The following HVCN1 variants were observed in gnomAD, a reference collection of about 807,000 sequenced individuals.
The protein encoded by HVCN1 is voltage-gated hydrogen channel 1.
HVCN1 carries 14 observed loss-of-function variants against 29.2 expected under a neutral mutation model. That is an observed-to-expected ratio of 0.48 (90% CI 0.32 to 0.75). HVCN1 has a LOEUF of 0.75. Ranked by LOEUF, HVCN1 falls within the 30% of genes least tolerant of loss-of-function variation. HVCN1 has a pLI of 0.04. For synonymous variants in HVCN1, 131 were observed against 133.2 expected (o/e 0.98, Z 0.11); for missense variants, 263 against 341.8 (o/e 0.77, Z 1.82).
rs1390902504 is a variant in HVCN1 at position 110,658,042 on chromosome 12, C to T, written c.307-2704G>A. 2.6e-5 allele frequency among the ~76,000 whole-genome samples: 4 copies of T among 152,078 alleles called. No individual in the cohort carries two copies. The highest frequency in any genetic ancestry group is 5.9e-5 in the Non-Finnish European group (4 of 68,028). On this transcript the variant is annotated intron_variant, in intron 4 of 7. Coordinates refer to ENST00000242607, the MANE Select transcript of HVCN1 (RefSeq NM_032369.4). The surrounding 1 kb of genome is among the most constrained non-coding windows in gnomAD (Gnocchi z 5.0). ...CATGACGTGAGTGAAGTATGAAGGGCGCTTAGCACACGGCTGGCCTGCGGT... is the reference window on the plus strand; with the variant it reads ...CATGACGTGAGTGAAGTATGAAGGGTGCTTAGCACACGGCTGGCCTGCGGT...
intron 3 of HVCN1, among the ~76,000 whole-genome samples, chr12:110,669,651 G>A (rs2068503279): frequency 6.6e-6 from 1 of 152,100 alleles, no homozygotes; most frequent in African/African-American, 2.4e-5. Context: ...CACCCCAGTT[G>A]GGGTGTACGT....
Position 110,657,720 on chromosome 12 carries a change from C to G in HVCN1, c.307-2382G>C, listed in dbSNP as rs2068037481. 2.6e-5 allele frequency among the ~76,000 whole-genome samples: 4 copies of G among 152,286 alleles called. No homozygotes were observed. In the South Asian group the frequency reaches 8.3e-4, roughly 32 times the overall value. On this transcript the variant is annotated intron_variant, in intron 4 of 7. Transcript: ENST00000242607. ...TACGATGCCAGGATAATAACCCCAG[C>G]CTCTATGAAAACTCATCCCTGGGGC...
At chr12:110,680,171 G>A (rs145358980) in intron 3 of HVCN1, among the ~76,000 whole-genome samples, 7 of 152,240 alleles carry the variant, frequency 4.6e-5, no homozygotes, top group Admixed American at 1.3e-4. Flanking sequence ...TGCCACAAGC[G>A]GTCCTGGCTC....
intron 5 of HVCN1, among the ~76,000 whole-genome samples, chr12:110,654,393 T>C (rs766049693): frequency 6.6e-6 from 1 of 152,016 alleles, no homozygotes; most frequent in Non-Finnish European, 1.5e-5. Context: ...TTTTCACCAC[T>C]TGCAAAGACA....
At chr12:110,660,019 T>A (rs1263269222) in intron 4 of HVCN1, among the ~76,000 whole-genome samples, 1 of 151,182 alleles carries the variant, frequency 6.6e-6, no homozygotes, top group African/African-American at 2.4e-5. Flanking sequence ...GCTGAAATCA[T>A]GCCACTGCAC....
chr12:110,687,018 C>T (rs1365350913), intron 2 of HVCN1, among the ~76,000 whole-genome samples: 1 of 152,094 alleles, frequency 6.6e-6, no homozygotes, highest in Non-Finnish European at 1.5e-5. Context: ...ATTCTGAAGT[C>T]TATGTAGAAA....
At chr12:110,669,534 C>T (rs112610230) in intron 3 of HVCN1, among the ~76,000 whole-genome samples, 21 of 151,856 alleles carry the variant, frequency 1.4e-4, no homozygotes, top group South Asian at 1.0e-3. Flanking sequence ...GAGCGGACCA[C>T]GCTCTCTTGC....
At chr12:110,664,092 A>C (rs1418709142) in intron 3 of HVCN1, among the ~76,000 whole-genome samples, 2 of 152,066 alleles carry the variant, frequency 1.3e-5, no homozygotes, top group South Asian at 4.1e-4. Context: ...AATTAAAACA[A>C]TTATTTTTTT....
At chr12:110,671,704 C>T (rs892336739) in intron 3 of HVCN1, among the ~76,000 whole-genome samples, 3 of 152,288 alleles carry the variant, frequency 2.0e-5, no homozygotes, top group Middle Eastern at 3.4e-3. Flanking sequence ...AGGAGAAAGC[C>T]GACTTCTTCA....
chr12:110,658,793 T>G lies in HVCN1; in HGVS notation c.306+2371A>C, dbSNP rs2068070574. 6.6e-6 allele frequency among the ~76,000 whole-genome samples: 1 copy of G among 152,230 alleles called. No homozygotes were observed. The highest frequency in any genetic ancestry group is 2.4e-5 in the African/African-American group (1 of 41,460). On this transcript the variant is annotated intron_variant, in intron 4 of 7. Transcript: ENST00000242607. This position sits in a 1 kb window ranked among gnomAD's most constrained non-coding sequence, Gnocchi z 5.0. ...TGAGGGCAAAGATGTGTCTGCCACA[T>G]TTGTCACTGTACACAGCAGGTGCTC...
At chr12:110,703,794 C>T (rs947655688) in intron 1 of HVCN1, among the ~76,000 whole-genome samples, 3 of 152,068 alleles carry the variant, frequency 2.0e-5, no homozygotes, top group Non-Finnish European at 4.4e-5. Context: ...AAGCGATTCT[C>T]GTGTCTCAGC....
chr12:110,681,925 G>A (rs954466974), intron 3 of HVCN1, among the ~76,000 whole-genome samples: 4 of 151,990 alleles, frequency 2.6e-5, no homozygotes, highest in South Asian at 2.1e-4. Context: ...TTTCCTACTC[G>A]AGATGGCCAT....
rs983553180 is a variant in HVCN1 at position 110,661,994 on chromosome 12, G to A, written c.22-546C>T. 2.0e-5 allele frequency among the ~76,000 whole-genome samples: 3 copies of A among 152,140 alleles called. No individual in the cohort carries two copies. The highest frequency in any genetic ancestry group is 7.2e-5 in the African/African-American group (3 of 41,414). On this transcript the variant is annotated intron_variant, in intron 3 of 7. Coordinates refer to ENST00000242607, the MANE Select transcript of HVCN1 (RefSeq NM_032369.4). The surrounding 1 kb of genome is among the most constrained non-coding windows in gnomAD (Gnocchi z 6.2). ...GTTTAAAGCAAAAGCAAATATCCCTGTGCCCTCTCTCCACTTTACCCAACT... is the reference window on the plus strand; with the variant it reads ...GTTTAAAGCAAAAGCAAATATCCCTATGCCCTCTCTCCACTTTACCCAACT...
chr12:110,698,454 G>A lies in HVCN1; in HGVS notation c.-104+3855C>T, dbSNP rs544993244. 4.1e-4 allele frequency among the ~76,000 whole-genome samples: 63 copies of A among 152,304 alleles called. 2 individuals are homozygous for A. Among genetic ancestry groups the A allele is most frequent in the Admixed American group, 3.7e-3 (56 of 15,294 alleles). ...CACCTGCTGGTTGCTAGTGGAAAGT[G>A]CTCTCCACACCTCGGTTCCGCCCTC... On this transcript the variant is annotated intron_variant, in intron 2 of 4. Transcript: ENST00000546713.
chr12:110,671,676 C>T (rs1380502968), intron 3 of HVCN1, among the ~76,000 whole-genome samples: 1 of 152,160 alleles, frequency 6.6e-6, no homozygotes, highest in African/African-American at 2.4e-5. Flanking sequence ...CCGGGCCACA[C>T]ATTTGTCCTG....
Position 110,655,167 on chromosome 12 carries a change from C to T in HVCN1, c.411+67G>A, listed in dbSNP as rs192695571. On this transcript the variant is annotated intron_variant, in intron 5 of 7. Coordinates refer to ENST00000242607, the MANE Select transcript of HVCN1 (RefSeq NM_032369.4). ...GGGGTGTCAGCTGCTCCACTCTGCA[C>T]CCCGTCTGTGCAGATAACACAAGCA... 354 of 1,225,040 alleles carry T rather than the reference C, an allele frequency of 2.9e-4. 2 individuals are homozygous for T. In the African/African-American group the frequency reaches 4.9e-3, roughly 17 times the overall value. 75.9% of individuals were successfully genotyped at this position (1,225,040 alleles called of 1,614,324 possible).
chr12:110,660,124 C>T (rs1213738377), intron 4 of HVCN1, among the ~76,000 whole-genome samples: 1 of 152,022 alleles, frequency 6.6e-6, no homozygotes, highest in African/African-American at 2.4e-5. Context: ...TACCTGTAAT[C>T]CCAGCACTTT....
intron 2 of HVCN1, among the ~76,000 whole-genome samples, chr12:110,700,488 C>T (rs1195559746): frequency 1.3e-5 from 2 of 152,104 alleles, no homozygotes; most frequent in Non-Finnish European, 2.9e-5. Context: ...TGAAGAAAAC[C>T]GCTTATCTCG....
At chr12:110,689,670 T>C (rs551716664), upstream of HVCN1, 3 of 152,392 alleles carry the variant, frequency 2.0e-5, no homozygotes, top group South Asian at 4.1e-4. This position sits in a 1 kb window ranked among gnomAD's most constrained non-coding sequence, Gnocchi z 5.7. Flanking sequence ...AGAACTTCCC[T>C]TGGTCGAGGG....
Sources: gnomAD v4.1 joint callset for allele counts (sites outside exome capture counted in the v4.1 genomes callset) on GRCh38, gnomAD v4.1.1 for gene constraint, Gnocchi (gnomAD v3.1) non-coding constraint, MANE v1.5 for transcripts, NCBI Gene and HGNC (gene_info 2026-07-23, HGNC 2026-07-21) for gene names.